The following CYLD variants were observed in gnomAD, a reference collection of about 807,000 sequenced individuals.
CYLD encodes the protein ubiquitin carboxyl-terminal hydrolase CYLD.
In CYLD, 26 loss-of-function variants were observed where a neutral mutation model predicts 104.5. The ratio of observed to expected loss-of-function variants is 0.25; its 90% CI spans 0.18 to 0.35. CYLD has a LOEUF of 0.35. Ranked by LOEUF, CYLD falls within the 10% of genes least tolerant of loss-of-function variation. The pLI, the probability that CYLD is intolerant of heterozygous loss-of-function variation, is 1.00. For missense variants in CYLD, 703 were observed against 1,136.1 expected (o/e 0.62, Z 5.48); for synonymous variants, 385 against 399.9 (o/e 0.96, Z 0.45).
In CYLD at chr16:50,801,440, A is replaced by T. The variant is rs1972454302; in HGVS notation, c.*4932A>T. 4.3e-6 allele frequency: 1 copy of T among 233,782 alleles called. No homozygotes were observed. The highest frequency in any genetic ancestry group is 2.2e-5 in the African/African-American group (1 of 45,364). The allele number at this position is 233,782 out of a possible 1,614,324, so 14.5% of individuals were successfully genotyped here. Reference sequence around the variant, plus strand: ...CACAAATGGAGGGATTGTCCTTTCAAGCACCACAGCTTCAGATAAAATTAG... The same window carrying T: ...CACAAATGGAGGGATTGTCCTTTCATGCACCACAGCTTCAGATAAAATTAG... On this transcript the variant is annotated 3_prime_UTR_variant, in exon 19 of 19. Coordinates refer to ENST00000427738, the MANE Select transcript of CYLD (RefSeq NM_001378743.1).
chr16:50,800,286 G>A lies in CYLD; in HGVS notation c.*3778G>A. The A allele has an allele frequency of 8.6e-6, 2 of 233,346 alleles. No homozygotes were observed. Among genetic ancestry groups the A allele is most frequent in the East Asian group, 1.2e-4 (2 of 16,720 alleles). The allele number at this position is 233,346 out of a possible 1,614,324, so 14.5% of individuals were successfully genotyped here. ...GGAAATCTGTGAGGGAATCCCCAGG[G>A]GAATCTCGTGACCAGCCAGGTGTGA... On this transcript the variant is annotated 3_prime_UTR_variant, in exon 19 of 19. Transcript: ENST00000427738.
intron 9 of CYLD, 107 bp from the exon 10 acceptor site, chr16:50,781,139 G>A: frequency 1.7e-6 from 2 of 1,181,662 alleles, no homozygotes; most frequent in South Asian, 2.4e-5. Context: ...TGCGAAGAGG[G>A]AGTGGTGAGA....
At position 50,781,249 on chromosome 16, in the gene CYLD, G is replaced by A. The variant is rs763885572; in HGVS notation, c.1522G>A (p.Asp508Asn). ...TATTGAAGCATTTCTTTTTCAGGAAGATGAGTGTGCAGGCTGTACGGATGG... is the reference window on the plus strand; with the variant it reads ...TATTGAAGCATTTCTTTTTCAGGAAAATGAGTGTGCAGGCTGTACGGATGG... Reference protein sequence around the residue: ...NEVLAGLELEDECAGCTDGTF... With the variant: ...NEVLAGLELENECAGCTDGTF... The change falls in exon 10 of 19, where the codon GAT (aspartate) becomes AAT (asparagine). Residue 508 changes from aspartate to asparagine, a missense_variant. Asp to Asn is a conservative substitution (Grantham distance 23). Coordinates refer to ENST00000427738, the MANE Select transcript of CYLD (RefSeq NM_001378743.1). 6 of 1,613,924 alleles carry A rather than the reference G, an allele frequency of 3.7e-6. No homozygotes were observed. In the East Asian group the frequency reaches 8.9e-5, roughly 24 times the overall value.
At chr16:50,774,702 G>C (rs1567442216) in intron 5 of CYLD, among the ~76,000 whole-genome samples, 1 of 152,146 alleles carries the variant, frequency 6.6e-6, no homozygotes. Context: ...GATGGTGCAA[G>C]ATTTCGTTAT....
At chr16:50,792,819 GT>G in intron 16 of CYLD, 114 bp downstream of exon 16, 1 of 636,444 alleles carries the variant, frequency 1.6e-6, no homozygotes, top group East Asian at 2.8e-5. Flanking sequence ...AGGCAATTCA[GT>G]ATCTGAAGAG....
At chr16:50,781,746 C>T (rs1482836728) in intron 10 of CYLD, among the ~76,000 whole-genome samples, 3 of 151,726 alleles carry the variant, frequency 2.0e-5, no homozygotes, top group African/African-American at 7.3e-5. Flanking sequence ...TGACTTCCCT[C>T]ACAGTGTCTT....
intron 2 of CYLD, chr16:50,744,867 G>T (rs1966041779): frequency 6.6e-6 from 1 of 152,310 alleles, no homozygotes; most frequent in African/African-American, 2.4e-5. Context: ...CTTAATACAA[G>T]TAAGTTCCCC....
intron 5 of CYLD, among the ~76,000 whole-genome samples, chr16:50,754,930 C>T (rs571006968): frequency 6.8e-6 from 1 of 146,002 alleles, no homozygotes; most frequent in African/African-American, 2.5e-5. Flanking sequence ...CATATATACA[C>T]ACATATGTAT....
intron 5 of CYLD, among the ~76,000 whole-genome samples, chr16:50,767,800 T>C (rs978510564): frequency 6.6e-6 from 1 of 152,188 alleles, no homozygotes; most frequent in African/African-American, 2.4e-5. Context: ...CTTCTGTCTA[T>C]TTTTTCCACA....
At chr16:50,782,575 G>A in intron 11 of CYLD, 109 bp downstream of exon 11, 2 of 1,168,776 alleles carry the variant, frequency 1.7e-6, no homozygotes, top group South Asian at 1.3e-5. Context: ...ACTGCCATCT[G>A]CCTCTGAGTA....
chr16:50,793,613 G>A lies in CYLD; in HGVS notation c.2418G>A (p.Pro806=), dbSNP rs746551374. 4.8e-5 allele frequency: 78 copies of A among 1,613,886 alleles called. No individual in the cohort carries two copies. Among genetic ancestry groups the A allele is most frequent in the Middle Eastern group, 1.6e-4 (1 of 6,084 alleles). The part of the protein sequence containing the change: ...MYECRECYDD[P]DISAGKIKQF... ...AGTGTAGAGAATGCTACGACGATCCGGACATCTCAGCTGGAAAAATCAAGC... is the reference window on the plus strand; with the variant it reads ...AGTGTAGAGAATGCTACGACGATCCAGACATCTCAGCTGGAAAAATCAAGC... Residue 806 remains proline, a synonymous_variant, in exon 17 of 19, where the codon CCG becomes CCA. Coordinates refer to ENST00000427738, the MANE Select transcript of CYLD (RefSeq NM_001378743.1).
In CYLD at chr16:50,794,857, G is replaced by C; in HGVS notation, c.2686+429G>C. 1 of 268,534 alleles carries C rather than the reference G, an allele frequency of 3.7e-6. No homozygotes were observed. The highest frequency in any genetic ancestry group is 4.0e-5 in the South Asian group (1 of 24,988). The allele number at this position is 268,534 out of a possible 1,614,324, so 16.6% of individuals were successfully genotyped here. ...GCTGGTCTCAAATTCCTGGCCTCAAGTGATTAACCCTCCTTTTCCTCTCGA... is the reference window on the plus strand; with the variant it reads ...GCTGGTCTCAAATTCCTGGCCTCAACTGATTAACCCTCCTTTTCCTCTCGA... On this transcript the variant is annotated intron_variant, in intron 18 of 18. Transcript: ENST00000427738. This position sits in a 1 kb window ranked among gnomAD's most constrained non-coding sequence, Gnocchi z 4.1.
chr16:50,795,221 T>G (rs758596976), intron 18 of CYLD, among the ~76,000 whole-genome samples: 50 of 152,226 alleles, frequency 3.3e-4, no homozygotes, highest in Non-Finnish European at 5.9e-4. Context: ...TTTTTTGTAC[T>G]AAACCATGTT....
chr16:50,795,550 G>A (rs1190722653), intron 18 of CYLD: 1 of 702,790 alleles, frequency 1.4e-6, no homozygotes, highest in Non-Finnish European at 2.6e-6. Flanking sequence ...TCCTTTAGCT[G>A]CTCTCTCAGA....
At chr16:50,770,246 A>T (rs370995119) in intron 5 of CYLD, among the ~76,000 whole-genome samples, 1 of 152,170 alleles carries the variant, frequency 6.6e-6, no homozygotes, top group African/African-American at 2.4e-5. Context: ...CTGTACTCTT[A>T]CTTTACCACT....
intron 5 of CYLD, among the ~76,000 whole-genome samples, chr16:50,771,788 T>G (rs1969182764): frequency 6.6e-6 from 1 of 152,226 alleles, no homozygotes; most frequent in Admixed American, 6.5e-5. Context: ...GATATCTAAT[T>G]GTTCCATCAC....
chr16:50,784,389 T>C lies in CYLD; in HGVS notation c.1887T>C (p.Asp629=). The C allele has an allele frequency of 6.2e-7, 1 of 1,613,508 alleles. No individual in the cohort carries two copies. Among genetic ancestry groups the C allele is most frequent in the Non-Finnish European group, 8.5e-7 (1 of 1,179,646 alleles). Residue 629 remains aspartate, a synonymous_variant, in exon 12 of 19, where the codon GAT becomes GAC. Coordinates refer to ENST00000427738, the MANE Select transcript of CYLD (RefSeq NM_001378743.1). ...TACTTAGACCCAAAGAAAAGAACGA[T>C]GTAGAATATTATAGTGAAACCCAAG... ...TVLLRPKEKN[D]VEYYSETQEL...
intron 4 of CYLD, among the ~76,000 whole-genome samples, chr16:50,753,478 A>G (rs1248138269): frequency 6.6e-6 from 1 of 152,216 alleles, no homozygotes; most frequent in East Asian, 1.9e-4. Context: ...CAAGCTGCCT[A>G]GAGATTTGCC....
intron 12 of CYLD, chr16:50,785,462 C>T (rs1040565004): frequency 6.6e-6 from 1 of 152,094 alleles, no homozygotes; most frequent in Non-Finnish European, 1.5e-5. Context: ...AATGATCTTA[C>T]TCTTTAAGAT....
Sources: allele counts gnomAD v4.1 joint callset (sites outside exome capture counted in the v4.1 genomes callset), GRCh38; gene constraint gnomAD v4.1.1; non-coding constraint Gnocchi (gnomAD v3.1); transcripts MANE v1.5; gene names NCBI Gene and HGNC (gene_info 2026-07-23, HGNC 2026-07-21).